PRAMEF2: variants seen among roughly 807,000 people sequenced by gnomAD.
PRAMEF2 encodes PRAME family member 2.
Under a neutral mutation model 38.0 loss-of-function variants are expected in PRAMEF2, and 35 were observed. The observed-to-expected ratio is 0.92, with a 90% CI of 0.70 to 1.22. The LOEUF is 1.22. Among genes scored for constraint, PRAMEF2 ranks in the 50% most tolerant of loss-of-function variants. The pLI is 0.00. For synonymous variants in PRAMEF2, 240 were observed against 232.4 expected (o/e 1.03, Z -0.30); for missense variants, 562 against 553.9 (o/e 1.01, Z -0.15).
chr1:12,858,940 T>C lies in PRAMEF2; in HGVS notation c.-25-45T>C, dbSNP rs746918886. On this transcript the variant is annotated intron_variant, in intron 1 of 3. Coordinates refer to ENST00000240189, the MANE Select transcript of PRAMEF2 (RefSeq NM_023014.1). ...GTCCTAGGAGAAGATGAGGTGATTG[T>C]GTTTGCCCTGAGAGTGATACATTCT... is the stretch of plus-strand genomic sequence containing the variant. The C allele has an allele frequency of 2.6e-5, 41 of 1,551,210 alleles. 4 individuals carry two copies. The Admixed American group carries it at 7.0e-4, about 26-fold the overall frequency.
Position 12,860,059 on chromosome 1 carries a change from A to C in PRAMEF2, c.654A>C (p.Pro218=), listed in dbSNP as rs570509421. 5 of 1,606,856 alleles carry C rather than the reference A, an allele frequency of 3.1e-6. No individual in the cohort carries two copies. The highest frequency in any genetic ancestry group is 2.2e-5 in the East Asian group (1 of 44,700). ...GELEIHNTCW[P]HLIRKLYCYL... The stretch of plus-strand genomic sequence containing the variant: ...TGGAAATTCACAACACGTGCTGGCC[A>C]CATCTGATAAGAAAGCTTTATTGTT... Residue 218 remains proline, a synonymous_variant, in exon 3 of 4, where the codon CCA becomes CCC. Coordinates refer to ENST00000240189, the MANE Select transcript of PRAMEF2 (RefSeq NM_023014.1).
At chr1:12,858,297 C>T (rs111609690) in intron 1 of PRAMEF2, among the ~76,000 whole-genome samples, 7,017 of 149,830 alleles carry the variant, frequency 0.047, 107 homozygotes, top group East Asian at 0.22. Flanking sequence ...AACGCTGTCA[C>T]CCAGGCTGGA....
chr1:12,858,897 A>G, intron 1 of PRAMEF2, 88 bp from the exon 2 acceptor site: 1 of 1,443,380 alleles, frequency 6.9e-7, no homozygotes, highest in Admixed American at 2.3e-5. Flanking sequence ...TTCTACCTCT[A>G]CCAGAGCAAT....
In PRAMEF2 at chr1:12,857,661, C is replaced by G. The variant is rs1323857299; in HGVS notation, c.-26+514C>G. On this transcript the variant is annotated intron_variant, in intron 1 of 3. Transcript: ENST00000240189. ...TATAGGAACCTTCATCTTAGAGTTA[C>G]AGTGCTCTAGAATAGCATGGTAGCA... Among the ~76,000 whole-genome samples the G allele has an allele frequency of 4.3e-5, 6 of 139,620 alleles. No individual in the cohort carries two copies. The South Asian group carries it at 6.8e-4, about 16-fold the overall frequency. The allele number at this position is 139,620 out of a possible 152,430, so 91.6% of individuals were successfully genotyped here. A position where few individuals can be genotyped will look rare whatever the true frequency, so the allele number is the denominator to read the frequency against.
chr1:12,860,074 G>A lies in PRAMEF2; in HGVS notation c.669G>A (p.Lys223=). The part of the protein sequence containing the change: ...HNTCWPHLIR[K]LYCYLKEMKT... ...CGTGCTGGCCACATCTGATAAGAAA[G>A]CTTTATTGTTACCTGAAGGAGATGA... The change falls in exon 3 of 4, where the codon AAG becomes AAA. Residue 223 remains lysine, a synonymous_variant. Transcript: ENST00000240189. 2 of 1,606,612 alleles carry A rather than the reference G, an allele frequency of 1.2e-6. No homozygotes were observed. Among genetic ancestry groups the A allele is most frequent in the South Asian group, 1.1e-5 (1 of 90,488 alleles).
rs756401106 is a variant in PRAMEF2 at position 12,859,796 on chromosome 1, A to T, written c.391A>T (p.Lys131Ter). The part of the protein sequence containing the change: ...ALSCFPEAMS[K>*]RQTAEDCPRT... ...GTCCTGCTTCCCAGAGGCCATGAGTAAGAGGCAGACAGCAGAGGACTGTCC... is the reference window on the plus strand; with the variant it reads ...GTCCTGCTTCCCAGAGGCCATGAGTTAGAGGCAGACAGCAGAGGACTGTCC... Residue 131 changes from lysine (K) to a stop codon, truncating the protein, a stop_gained, in exon 3 of 4, where the codon AAG becomes TAG. Transcript: ENST00000240189. LOFTEE classifies it high-confidence loss of function. 2 of 1,607,196 alleles carry T rather than the reference A, an allele frequency of 1.2e-6. No individual in the cohort carries two copies. The highest frequency in any genetic ancestry group is 4.5e-5 in the East Asian group (2 of 44,798).
At chr1:12,858,841 A>G in intron 1 of PRAMEF2, 144 bp from the exon 2 acceptor site, 5 of 957,450 alleles carry the variant, frequency 5.2e-6, no homozygotes, top group Non-Finnish European at 7.6e-6. Context: ...AGAAGTATAG[A>G]TTTGAGGCCA....
rs1286933896 is a variant in PRAMEF2, at chr1:12,859,516, G to C, written c.288-177G>C. 2.8e-4 allele frequency among the ~76,000 whole-genome samples: 43 copies of C among 151,094 alleles called. 1 individual carries two copies. The highest frequency in any genetic ancestry group is 1.0e-3 in the African/African-American group (42 of 41,076). Reference sequence around the variant, plus strand: ...AGAAGCCGGCCTTTACTCAGTGGAAGGTAAAGGGAATAGAAGTGGGGACCA... The same window carrying C: ...AGAAGCCGGCCTTTACTCAGTGGAACGTAAAGGGAATAGAAGTGGGGACCA... On this transcript the variant is annotated intron_variant, in intron 2 of 3. Coordinates refer to ENST00000240189, the MANE Select transcript of PRAMEF2 (RefSeq NM_023014.1).
rs1640559319 is a variant in PRAMEF2, at chr1:12,861,772, G to A, written c.1418G>A (p.Cys473Tyr). The A allele has an allele frequency of 6.3e-7, 1 of 1,591,324 alleles. No individual in the cohort carries two copies. Among genetic ancestry groups the A allele is most frequent in the Admixed American group, 1.8e-5 (1 of 56,244 alleles). ...TCTGAGGAACTGGAGCTCCATCTTT[G>A]CTGCTAGGGAAGGCGTGCCCAGTGG... ...SPSEELELHL[C>Y]C Residue 473 changes from cysteine (C) to tyrosine (Y), a missense_variant, in exon 4 of 4, where the codon TGC becomes TAC. Coordinates refer to ENST00000240189, the MANE Select transcript of PRAMEF2 (RefSeq NM_023014.1).
Position 12,859,214 on chromosome 1 carries a change from C to A in PRAMEF2, c.205C>A (p.Leu69Met). 1 of 1,610,212 alleles carries A rather than the reference C, an allele frequency of 6.2e-7. No homozygotes were observed. Among genetic ancestry groups the A allele is most frequent in the Non-Finnish European group, 8.5e-7 (1 of 1,178,664 alleles). ...WPFTCLPLVS[L>M]MKTLHLEPLK... Reference sequence around the variant, plus strand: ...TTTCACCTGCCTCCCTCTGGTATCGCTGATGAAGACGCTTCATCTGGAGCC... The same window carrying A: ...TTTCACCTGCCTCCCTCTGGTATCGATGATGAAGACGCTTCATCTGGAGCC... Residue 69 changes from leucine to methionine, a missense_variant, in exon 2 of 4, where the codon CTG becomes ATG. This residue lies in a region of PRAMEF2 where 486 missense variants were observed against 444.2 expected (regional missense o/e 1.09). Transcript: ENST00000240189.
In PRAMEF2 at chr1:12,858,723, G is replaced by T. The variant is rs1640485473; in HGVS notation, c.-25-262G>T. ...AGGATCCTCAGTGGCACTGTCCAGT[G>T]GTTCTGGGATTCAGTGGAGCGAAGG... On this transcript the variant is annotated intron_variant, in intron 1 of 3. Transcript: ENST00000240189. Among the ~76,000 whole-genome samples, 2 of 149,614 alleles carry T rather than the reference G, an allele frequency of 1.3e-5. 1 individual carries two copies. Among genetic ancestry groups the T allele is most frequent in the Non-Finnish European group, 3.0e-5 (2 of 67,466 alleles).
At chr1:12,857,394 C>T (rs1435775276) in intron 1 of PRAMEF2, among the ~76,000 whole-genome samples, 1 of 148,434 alleles carries the variant, frequency 6.7e-6, no homozygotes, top group Non-Finnish European at 1.5e-5. Context: ...TAAAACTTTA[C>T]AGTGACATGA....
In PRAMEF2 at chr1:12,860,194, C is replaced by A. The variant is rs756763905; in HGVS notation, c.789C>A (p.Phe263Leu). 3.1e-6 allele frequency: 5 copies of A among 1,606,888 alleles called. No homozygotes were observed. The highest frequency in any genetic ancestry group is 3.4e-6 in the Non-Finnish European group (4 of 1,176,662). Reference protein sequence around the residue: ...GWLVTRFTSVFLRLEHLQLLK... With the variant: ...GWLVTRFTSVLLRLEHLQLLK... ...TAGTCACCAGATTCACCTCTGTGTT[C>A]CTCAGGCTGGAACACCTCCAGTTGC... Residue 263 changes from phenylalanine to leucine, a missense_variant, in exon 3 of 4, where the codon TTC becomes TTA. Around this residue, in one of 2 missense-constraint regions of PRAMEF2, gnomAD observed 486 missense variants for 444.2 expected, o/e 1.09. Transcript: ENST00000240189.
In PRAMEF2 at chr1:12,860,038, A is replaced by T; in HGVS notation, c.633A>T (p.Glu211Asp). ...ACATTAATAGTATTGGGGAGCTGGA[A>T]ATTCACAACACGTGCTGGCCACATC... is the stretch of plus-strand genomic sequence containing the variant. ...IIYINSIGEL[E>D]IHNTCWPHLI... Residue 211 changes from glutamate (E) to aspartate (D), a missense_variant, in exon 3 of 4, where the codon GAA becomes GAT. Coordinates refer to ENST00000240189, the MANE Select transcript of PRAMEF2 (RefSeq NM_023014.1). The T allele has an allele frequency of 6.2e-7, 1 of 1,606,922 alleles. No homozygotes were observed. Among genetic ancestry groups the T allele is most frequent in the Non-Finnish European group, 8.5e-7 (1 of 1,176,564 alleles).
chr1:12,858,304 T>C (rs1300435536), intron 1 of PRAMEF2, among the ~76,000 whole-genome samples: 1 of 150,280 alleles, frequency 6.7e-6, no homozygotes, highest in Non-Finnish European at 1.5e-5. Context: ...TCACCCAGGC[T>C]GGAGTGCAGT....
rs1033192835 is a variant in PRAMEF2 at position 12,860,162 on chromosome 1, G to C, written c.757G>C (p.Gly253Arg). The C allele has an allele frequency of 1.9e-6, 3 of 1,606,692 alleles. No individual in the cohort carries two copies. The highest frequency in any genetic ancestry group is 2.5e-6 in the Non-Finnish European group (3 of 1,176,598). The change falls in exon 3 of 4, where the codon GGA becomes CGA. Residue 253 changes from glycine to arginine, a missense_variant. Physicochemically the swap from Gly to Arg is moderately radical, Grantham distance 125. Around this residue, in one of 2 missense-constraint regions of PRAMEF2, gnomAD observed 486 missense variants for 444.2 expected, o/e 1.09. Transcript: ENST00000240189. ...HHYTSDNELE[G>R]WLVTRFTSVF... is the part of the protein sequence containing the mutation. ...TTACACGTCAGATAATGAACTCGAG[G>C]GATGGTTAGTCACCAGATTCACCTC...
rs371104325 is a variant in PRAMEF2 at position 12,861,187 on chromosome 1, C to T, written c.867-34C>T. 1.2e-4 allele frequency: 186 copies of T among 1,588,908 alleles called. 2 individuals carry two copies. The highest frequency in any genetic ancestry group is 1.4e-4 in the African/African-American group (10 of 73,780). ...CCCCACTACCTTCATCTAACTGGTA[C>T]CATTGCCCAGAACTAACTTCTTGAT... is the stretch of plus-strand genomic sequence containing the variant. On this transcript the variant is annotated intron_variant, in intron 3 of 3. Coordinates refer to ENST00000240189, the MANE Select transcript of PRAMEF2 (RefSeq NM_023014.1).
chr1:12,858,948 CTGAGAGTGAT>C (rs2100388470), intron 1 of PRAMEF2, 27 bp from the exon 2 acceptor site: 1 of 1,569,356 alleles, frequency 6.4e-7, no homozygotes, highest in Non-Finnish European at 8.6e-7. Context: ...TGTGTTTGCC[CTGAGAGTGAT>C]ACATTCTCCC....
rs141497590 is a variant in PRAMEF2, at chr1:12,861,391, A to G, written c.1037A>G (p.Lys346Arg). 8.8e-4 allele frequency: 1,415 copies of G among 1,603,862 alleles called. 76 individuals carry two copies. In the African/African-American group the frequency reaches 0.017, roughly 19 times the overall value. The part of the protein sequence containing the change: ...SLEPLGALLE[K>R]IAASLETLVL... The stretch of plus-strand genomic sequence containing the variant: ...GAACCCCTAGGAGCTCTGCTAGAGA[A>G]AATTGCTGCCTCTCTCGAGACCCTC... The change falls in exon 4 of 4, where the codon AAA becomes AGA. Residue 346 changes from lysine (K) to arginine (R), a missense_variant. Coordinates refer to ENST00000240189, the MANE Select transcript of PRAMEF2 (RefSeq NM_023014.1).
Sources: allele counts gnomAD v4.1 joint callset (sites outside exome capture counted in the v4.1 genomes callset), GRCh38; gene constraint gnomAD v4.1.1; regional missense constraint gnomAD v4.1.1; transcripts MANE v1.5; gene names NCBI Gene and HGNC (gene_info 2026-07-23, HGNC 2026-07-21).